Variants in SLC4A5 observed in about 807,000 individuals in gnomAD.
The protein encoded by SLC4A5 is electrogenic sodium bicarbonate cotransporter 4.
Under a neutral mutation model 120.4 loss-of-function variants are expected in SLC4A5, and 96 were observed. The observed-to-expected ratio is 0.80, with a 90% CI of 0.68 to 0.94. SLC4A5 has a LOEUF of 0.94. Ranked by LOEUF, SLC4A5 falls within the 40% of genes least tolerant of loss-of-function variation. SLC4A5 has a pLI of 0.00. For synonymous variants in SLC4A5, 550 were observed against 571.1 expected (o/e 0.96, Z 0.53); for missense variants, 1,259 against 1,459.5 (o/e 0.86, Z 2.24).
chr2:74,309,900 G>A lies in SLC4A5; in HGVS notation c.79+5045C>T, dbSNP rs1236152380. ...GATGGTCTTCATCTCCTGACCTCGT[G>A]ATCTGCCTGCCTCGGCCTCCCAAAG... On this transcript the variant is annotated intron_variant, in intron 6 of 30. Coordinates refer to ENST00000394019, the Ensembl canonical transcript of SLC4A5. Among the ~76,000 whole-genome samples, 3 of 151,628 alleles carry A rather than the reference G, an allele frequency of 2.0e-5. 1 individual carries two copies. The highest frequency in any genetic ancestry group is 2.0e-4 in the Admixed American group (3 of 15,222).
At chr2:74,330,202 G>C (rs1029202003) in intron 4 of SLC4A5, among the ~76,000 whole-genome samples, 2 of 151,514 alleles carry the variant, frequency 1.3e-5, no homozygotes, top group Non-Finnish European at 2.9e-5. Context: ...TATAGGTGTA[G>C]GTGATGAGGT....
chr2:74,278,682 T>C (rs943225561), intron 8 of SLC4A5, among the ~76,000 whole-genome samples: 2 of 152,156 alleles, frequency 1.3e-5, no homozygotes, highest in Non-Finnish European at 2.9e-5. Context: ...AGTGTCAGTG[T>C]TGGACTAGCA....
chr2:74,225,925 A>T (rs768546839), intron 27 of SLC4A5, among the ~76,000 whole-genome samples: 3 of 152,152 alleles, frequency 2.0e-5, no homozygotes, highest in Non-Finnish European at 4.4e-5. Context: ...AAGCGGGGTT[A>T]TTAGTGCTTT....
intron 6 of SLC4A5, among the ~76,000 whole-genome samples, chr2:74,312,222 T>C (rs1672825855): frequency 1.3e-5 from 2 of 151,774 alleles, no homozygotes; most frequent in Admixed American, 1.3e-4. Flanking sequence ...TCTATCTATA[T>C]CTCTATATGT....
intron 8 of SLC4A5, among the ~76,000 whole-genome samples, chr2:74,267,282 T>C (rs1422882997): frequency 2.0e-5 from 3 of 152,182 alleles, no homozygotes; most frequent in Non-Finnish European, 4.4e-5. Flanking sequence ...TTTGACCCAG[T>C]GGTTCGATTT....
intron 16 of SLC4A5, among the ~76,000 whole-genome samples, chr2:74,251,694 T>C (rs1343310150): frequency 2.0e-5 from 3 of 152,090 alleles, no homozygotes; most frequent in Admixed American, 2.0e-4. Flanking sequence ...CAGGAGGCCA[T>C]GTGGTGGAGA....
intron 25 of SLC4A5, among the ~76,000 whole-genome samples, chr2:74,229,721 C>T (rs1694992290): frequency 6.6e-6 from 1 of 152,110 alleles, no homozygotes; most frequent in African/African-American, 2.4e-5. Context: ...ATTTGTTTCC[C>T]CCACAAGGGA....
chr2:74,249,934 C>A (rs6546895), intron 17 of SLC4A5, among the ~76,000 whole-genome samples: 4,918 of 152,256 alleles, frequency 0.032, 278 homozygotes, highest in African/African-American at 0.11. Flanking sequence ...ATGGCAACAG[C>A]TTACCATCCT....
intron 8 of SLC4A5, among the ~76,000 whole-genome samples, chr2:74,267,805 G>A (rs1405365647): frequency 6.6e-6 from 1 of 152,188 alleles, no homozygotes; most frequent in East Asian, 1.9e-4. Flanking sequence ...AGACCAGCCT[G>A]GGCAACATGG....
intron 14 of SLC4A5, among the ~76,000 whole-genome samples, chr2:74,253,391 T>C (rs1318515438): frequency 6.6e-6 from 1 of 152,192 alleles, no homozygotes; most frequent in African/African-American, 2.4e-5. Flanking sequence ...TTAAGTTACT[T>C]AACCTTTCTG....
intron 11 of SLC4A5, among the ~76,000 whole-genome samples, chr2:74,260,169 T>C (rs113137667): frequency 7.0e-4 from 107 of 152,286 alleles, no homozygotes; most frequent in African/African-American, 2.0e-3. Flanking sequence ...AACTGCCCAA[T>C]AGTTCCTTCC....
intron 10 of SLC4A5, among the ~76,000 whole-genome samples, chr2:74,263,102 C>T (rs138644421): frequency 5.5e-4 from 84 of 152,268 alleles, no homozygotes; most frequent in African/African-American, 1.8e-3. Context: ...TGCAATGGCA[C>T]GATCTCTGCT....
At chr2:74,307,043 C>T (rs780527770) in intron 6 of SLC4A5, 8 of 573,314 alleles carry the variant, frequency 1.4e-5, no homozygotes, top group African/African-American at 1.9e-5. Flanking sequence ...CCTCCACCTC[C>T]CTCAGGCTGT....
chr2:74,266,157 A>G (rs891754961), intron 8 of SLC4A5, among the ~76,000 whole-genome samples: 2 of 152,246 alleles, frequency 1.3e-5, no homozygotes, highest in Non-Finnish European at 1.5e-5. Context: ...GCCTTAGCAC[A>G]TATAGAAACT....
At position 74,315,614 on chromosome 2, in the gene SLC4A5, A is replaced by G. The variant is rs188312469; in HGVS notation, c.-2-589T>C. Among the ~76,000 whole-genome samples, 11 of 150,422 alleles carry G rather than the reference A, an allele frequency of 7.3e-5. No individual in the cohort carries two copies. The East Asian group carries it at 2.1e-3, about 29-fold the overall frequency. On this transcript the variant is annotated intron_variant, in intron 5 of 30. Transcript: ENST00000394019. ...AAATTTATTATGCTTATATAATAAT[A>G]TATATAAAAGTAATATATTATGCAT... is the stretch of plus-strand genomic sequence containing the variant.
intron 5 of SLC4A5, among the ~76,000 whole-genome samples, chr2:74,318,774 C>A (rs1673027447): frequency 6.6e-6 from 1 of 151,556 alleles, no homozygotes. Context: ...ATTAGTACAA[C>A]CTTTATGGAA....
chr2:74,342,559 C>G (rs1316914675), intron 1 of SLC4A5, 25 bp from the exon 2 acceptor site: 1 of 152,106 alleles, frequency 6.6e-6, no homozygotes, highest in African/African-American at 2.4e-5. Context: ...GGTAAAACAC[C>G]ATTTCTCAGG....
exon 19 of SLC4A5, chr2:74,247,196 G>A (rs1210830499): frequency 1.2e-6 from 2 of 1,614,104 alleles, no homozygotes; most frequent in Admixed American, 3.3e-5. Flanking sequence ...CGGTGAAGCG[G>A]GTGATATATT....
intron 8 of SLC4A5, among the ~76,000 whole-genome samples, chr2:74,266,375 C>T (rs979277412): frequency 6.6e-6 from 1 of 152,164 alleles, no homozygotes; most frequent in African/African-American, 2.4e-5. Context: ...CTCAGGTGAT[C>T]TTCCCAACTC....
Sources: allele counts gnomAD v4.1 joint callset (sites outside exome capture counted in the v4.1 genomes callset), GRCh38; gene constraint gnomAD v4.1.1; transcripts MANE v1.5; gene names NCBI Gene and HGNC (gene_info 2026-07-23, HGNC 2026-07-21).